Variants in ATP5PF observed in about 807,000 individuals in gnomAD.
The protein encoded by ATP5PF is ATP synthase peripheral stalk subunit F6.
A neutral mutation model predicts 12.0 loss-of-function variants in ATP5PF; 7 were observed. That is an observed-to-expected ratio of 0.58 (90% CI 0.33 to 1.10). The LOEUF (loss-of-function observed/expected upper bound fraction) is 1.10. Among genes scored for constraint, ATP5PF ranks in the 50% least tolerant of loss-of-function variants. The pLI is 0.03. For missense variants in ATP5PF, 120 were observed against 127.7 expected (o/e 0.94, Z 0.29); for synonymous variants, 41 against 45.4 (o/e 0.90, Z 0.39).
At chr21:25,733,622 C>T (rs891665596) in intron 1 of ATP5PF, among the ~76,000 whole-genome samples, 1 of 152,156 alleles carries the variant, frequency 6.6e-6, no homozygotes, top group African/African-American at 2.4e-5. Flanking sequence ...ACTTTCCCTT[C>T]TGGCAAACTA....
At chr21:25,727,756 C>G (rs1472790575) in intron 2 of ATP5PF, among the ~76,000 whole-genome samples, 2 of 152,162 alleles carry the variant, frequency 1.3e-5, no homozygotes, top group African/African-American at 4.8e-5. Flanking sequence ...CACATTTGGA[C>G]AGAAGACACT....
intron 1 of ATP5PF, 83 bp downstream of exon 1, chr21:25,734,770 G>T: frequency 7.3e-7 from 1 of 1,364,684 alleles, no homozygotes; most frequent in Non-Finnish European, 9.9e-7. Flanking sequence ...CCTAGTAAAG[G>T]TGAGAGGCAG....
chr21:25,735,005 C>A, upstream of ATP5PF: 1 of 1,541,070 alleles, frequency 6.5e-7, no homozygotes. Context: ...GGAAGCGTCT[C>A]GGAGACAGTC....
chr21:25,732,032 AATGGCCCTTT>A (rs2034794341), intron 1 of ATP5PF, among the ~76,000 whole-genome samples: 1 of 152,194 alleles, frequency 6.6e-6, no homozygotes, highest in Non-Finnish European at 1.5e-5. Context: ...TGGGTGTGAG[AATGGCCCTTT>A]ACCACTCAGA....
chr21:25,729,686 C>T lies in ATP5PF; in HGVS notation c.109G>A (p.Asp37Asn), dbSNP rs764298477. The T allele has an allele frequency of 1.2e-6, 2 of 1,613,002 alleles. No homozygotes were observed. Among genetic ancestry groups the T allele is most frequent in the South Asian group, 2.2e-5 (2 of 90,992 alleles). ...VTAVAFNKEL[D>N]PIQKLFVDKI... ...TCCACAAAGAGTTTCTGTATAGGATCAAGTTCCTTATTAAATGCCACTGCT... is the reference window on the plus strand; with the variant it reads ...TCCACAAAGAGTTTCTGTATAGGATTAAGTTCCTTATTAAATGCCACTGCT... Residue 37 changes from aspartate (D) to asparagine (N), a missense_variant, in exon 2 of 4, where the codon GAT (aspartate) becomes AAT (asparagine). Physicochemically the swap from Asp to Asn is conservative, Grantham distance 23 (BLOSUM62 1). Coordinates refer to ENST00000284971, the MANE Select transcript of ATP5PF (RefSeq NM_001003703.2).
intron 2 of ATP5PF, among the ~76,000 whole-genome samples, chr21:25,727,692 G>A (rs557569252): frequency 4.6e-5 from 7 of 152,170 alleles, no homozygotes; most frequent in African/African-American, 1.7e-4. Flanking sequence ...TACTAGATAG[G>A]CTTTTAAAGA....
upstream of ATP5PF, chr21:25,735,022 C>T: frequency 2.0e-6 from 3 of 1,515,190 alleles, no homozygotes; most frequent in South Asian, 3.6e-5. Flanking sequence ...AGTCTGCGAC[C>T]GGACGGGTCT....
At chr21:25,727,538 A>G (rs146730921) in intron 2 of ATP5PF, among the ~76,000 whole-genome samples, 201 of 152,338 alleles carry the variant, frequency 1.3e-3, no homozygotes, top group African/African-American at 4.7e-3. Flanking sequence ...AACCTGCCCA[A>G]GGTCATAGAG....
intron 1 of ATP5PF, among the ~76,000 whole-genome samples, chr21:25,731,558 CTT>C (rs901459950): frequency 1.5e-4 from 22 of 142,288 alleles, no homozygotes; most frequent in South Asian, 2.2e-4. Flanking sequence ...CTAATTTTTA[CTT>C]TTTTTTTTTT....
chr21:25,725,486 C>G lies in ATP5PF; in HGVS notation c.165-136G>C. On this transcript the variant is annotated intron_variant, in intron 2 of 3. Transcript: ENST00000284971. ...GACGGAGTCTTGCTTGGTCGCCAGGCTGGAGTGCGGTAGCATGATCTTGGC... is the reference window on the plus strand; with the variant it reads ...GACGGAGTCTTGCTTGGTCGCCAGGGTGGAGTGCGGTAGCATGATCTTGGC... The G allele has an allele frequency of 6.9e-6, 7 of 1,008,692 alleles. No individual in the cohort carries two copies. The South Asian group carries it at 1.1e-4, about 16-fold the overall frequency. 62.5% of individuals were successfully genotyped at this position (1,008,692 alleles called of 1,614,324 possible).
chr21:25,732,080 TAG>T (rs772883661), intron 1 of ATP5PF, among the ~76,000 whole-genome samples: 1 of 152,278 alleles, frequency 6.6e-6, no homozygotes, highest in East Asian at 1.9e-4. Context: ...TAGAAAACTG[TAG>T]AGTCGCACAA....
upstream of ATP5PF, chr21:25,734,990 G>A (rs769222928): frequency 2.6e-6 from 4 of 1,554,018 alleles, no homozygotes; most frequent in African/African-American, 1.4e-5. Flanking sequence ...GACGCTCACC[G>A]GACAGGAAGC....
At position 25,729,283 on chromosome 21, in the gene ATP5PF, T is replaced by C. The variant is rs148179636; in HGVS notation, c.164+348A>G. 1.1e-4 allele frequency among the ~76,000 whole-genome samples: 17 copies of C among 152,362 alleles called. No individual in the cohort carries two copies. In the East Asian group the frequency reaches 2.9e-3, roughly 26 times the overall value. ...TTTTATGATCTTCGGCTAATCAATG[T>C]CTAAGGGAGTTACTTTTTTCAAACT... On this transcript the variant is annotated intron_variant, in intron 2 of 3. Coordinates refer to ENST00000284971, the MANE Select transcript of ATP5PF (RefSeq NM_001003703.2).
chr21:25,725,024 C>T (rs910445982), intron 3 of ATP5PF: 1 of 677,214 alleles, frequency 1.5e-6, no homozygotes, highest in Non-Finnish European at 2.4e-6. Context: ...AGATCCCCAC[C>T]ATTTAATCAC....
rs369627415 is a variant in ATP5PF at position 25,724,605 on chromosome 21, G to A, written c.*35C>T. On this transcript the variant is annotated 3_prime_UTR_variant, in exon 4 of 4. Transcript: ENST00000284971. ...TTCTAACTAGTTGTACAACTAATCC[G>A]TGACAAATTACCAGATTAATTTTAC... 1.7e-5 allele frequency: 27 copies of A among 1,599,042 alleles called. No homozygotes were observed. Among genetic ancestry groups the A allele is most frequent in the Middle Eastern group, 1.7e-4 (1 of 5,962 alleles).
intron 2 of ATP5PF, among the ~76,000 whole-genome samples, chr21:25,728,520 C>T (rs1054695242): frequency 5.3e-5 from 8 of 152,156 alleles, no homozygotes; most frequent in Non-Finnish European, 1.2e-4. Flanking sequence ...TTTATCTGTC[C>T]AACCTTCATA....
chr21:25,731,809 G>A (rs1321418739), intron 1 of ATP5PF, among the ~76,000 whole-genome samples: 2 of 152,166 alleles, frequency 1.3e-5, no homozygotes, highest in Admixed American at 1.3e-4. Flanking sequence ...TAGAGGCCAG[G>A]CGAGGTGGCT....
chr21:25,732,050 A>T (rs1417680698), intron 1 of ATP5PF, among the ~76,000 whole-genome samples: 1 of 152,222 alleles, frequency 6.6e-6, no homozygotes, highest in Non-Finnish European at 1.5e-5. Context: ...TTTACCACTC[A>T]GAGTTTGAGC....
chr21:25,735,127 G>T (rs1601097806), upstream of ATP5PF: 1 of 705,290 alleles, frequency 1.4e-6, no homozygotes, highest in Non-Finnish European at 2.5e-6. Flanking sequence ...CGCCTAATTT[G>T]ACCCGTTCTT....
Sources: gnomAD v4.1 joint callset for allele counts (sites outside exome capture counted in the v4.1 genomes callset) on GRCh38, gnomAD v4.1.1 for gene constraint, MANE v1.5 for transcripts, NCBI Gene and HGNC (gene_info 2026-07-23, HGNC 2026-07-21) for gene names.